Variants in DACH1 observed in about 807,000 individuals in gnomAD.
The protein encoded by DACH1 is dachshund homolog 1.
Under a neutral mutation model 54.2 loss-of-function variants are expected in DACH1, and 12 were observed. That is an observed-to-expected ratio of 0.22 (90% CI 0.14 to 0.36). The LOEUF (loss-of-function observed/expected upper bound fraction) is 0.36. Ranked by LOEUF, DACH1 falls within the 10% of genes least tolerant of loss-of-function variation. The pLI is 1.00. For missense variants in DACH1, 805 were observed against 929.8 expected (o/e 0.87, Z 1.75); for synonymous variants, 386 against 366.2 (o/e 1.05, Z -0.62).
At chr13:71,746,968 A>G (rs899367411) in intron 1 of DACH1, among the ~76,000 whole-genome samples, 1 of 152,208 alleles carries the variant, frequency 6.6e-6, no homozygotes, top group Non-Finnish European at 1.5e-5. Flanking sequence ...ATGTATTAAC[A>G]CAATATCTAA....
At chr13:71,563,688 T>C (rs752933018) in intron 4 of DACH1, among the ~76,000 whole-genome samples, 1 of 151,768 alleles carries the variant, frequency 6.6e-6, no homozygotes, top group South Asian at 2.1e-4. Context: ...GAAATCTTTA[T>C]GTAAAATGCA....
intron 1 of DACH1, among the ~76,000 whole-genome samples, chr13:71,841,464 G>A (rs1247590631): frequency 2.0e-5 from 3 of 152,084 alleles, no homozygotes; most frequent in Non-Finnish European, 4.4e-5. Flanking sequence ...AAATCCCAAA[G>A]TTTAAGTTCT....
intron 2 of DACH1, among the ~76,000 whole-genome samples, chr13:71,666,593 T>C (rs568452773): frequency 4.6e-5 from 7 of 152,290 alleles, no homozygotes; most frequent in Non-Finnish European, 8.8e-5. Context: ...GAACATGTAA[T>C]AATCAGTAAT....
intron 10 of DACH1, among the ~76,000 whole-genome samples, chr13:71,473,675 G>A (rs1393262188): frequency 7.9e-5 from 12 of 152,038 alleles, no homozygotes; most frequent in Non-Finnish European, 1.5e-4. Flanking sequence ...TATGCAGGAC[G>A]ATATTGTTTC....
rs563641577 is a variant in DACH1, at chr13:71,550,614, T to C, written c.1570+6410A>G. Among the ~76,000 whole-genome samples, 10 of 152,256 alleles carry C rather than the reference T, an allele frequency of 6.6e-5. No individual in the cohort carries two copies. The East Asian group carries it at 1.9e-3, about 29-fold the overall frequency. ...TTACAGTAAGTATTTTCCTCAATTG[T>C]CATTGAAATATTATTACAAGCTCTG... On this transcript the variant is annotated intron_variant, in intron 6 of 10. Transcript: ENST00000613252.
intron 3 of DACH1, among the ~76,000 whole-genome samples, chr13:71,607,012 G>A (rs564339196): frequency 6.7e-4 from 102 of 151,984 alleles, no homozygotes; most frequent in African/African-American, 2.4e-3. Context: ...TCATGTGATT[G>A]GGAACAAAGG....
intron 3 of DACH1, among the ~76,000 whole-genome samples, chr13:71,629,567 C>T (rs1323493349): frequency 6.6e-6 from 1 of 152,094 alleles, no homozygotes; most frequent in Non-Finnish European, 1.5e-5. Flanking sequence ...CTAAAATCCA[C>T]AGTATTCCTT....
intron 1 of DACH1, among the ~76,000 whole-genome samples, chr13:71,746,860 A>G (rs74844042): frequency 0.041 from 6,237 of 152,282 alleles, 413 homozygotes; most frequent in African/African-American, 0.14. Context: ...TTATTTTAAT[A>G]TATTTTAAGA....
At position 71,619,626 on chromosome 13, in the gene DACH1, AAAT is replaced by A. The variant is rs374939067; in HGVS notation, c.1126+10927_1126+10929del. On this transcript the variant is annotated intron_variant, in intron 3 of 10. Coordinates refer to ENST00000613252, the MANE Select transcript of DACH1 (RefSeq NM_080759.6). ...GATATATCTATATTTTCCCAAAATAAAATAATTAAGAAAACAGATTACAAAAAT... is the reference window on the plus strand; with the variant it reads ...GATATATCTATATTTTCCCAAAATAAAATTAAGAAAACAGATTACAAAAAT... Among the ~76,000 whole-genome samples the A allele has an allele frequency of 6.6e-4, 100 of 152,056 alleles. No homozygotes were observed. In the South Asian group the frequency reaches 0.02, roughly 31 times the overall value.
intron 2 of DACH1, among the ~76,000 whole-genome samples, chr13:71,647,010 T>C (rs992259043): frequency 1.3e-5 from 2 of 152,248 alleles, no homozygotes; most frequent in African/African-American, 4.8e-5. Flanking sequence ...TAGCATTATG[T>C]ATACCTGAGG....
At position 71,756,033 on chromosome 13, in the gene DACH1, A is replaced by AT. The variant is rs112143535; in HGVS notation, c.849-74124dup. Among the ~76,000 whole-genome samples, 1,234 of 149,528 alleles carry AT rather than the reference A, an allele frequency of 8.3e-3. 17 individuals carry two copies. Among genetic ancestry groups the AT allele is most frequent in the African/African-American group, 0.028 (1,145 of 40,792 alleles). On this transcript the variant is annotated intron_variant, in intron 1 of 10. Transcript: ENST00000613252. The stretch of plus-strand genomic sequence containing the variant: ...AAATGCGTAAACTAAAGACTTTTTT[A>AT]TTTTTTTTTTCTTTTAAGACGAAGT...
chr13:71,648,841 C>A (rs1402332861), intron 2 of DACH1, among the ~76,000 whole-genome samples: 10 of 152,116 alleles, frequency 6.6e-5, no homozygotes, highest in South Asian at 2.1e-4. Flanking sequence ...ACCATAGCCA[C>A]CCCTTTCCTG....
chr13:71,609,514 T>TA (rs34721176), intron 3 of DACH1, among the ~76,000 whole-genome samples: 1 of 151,368 alleles, frequency 6.6e-6, no homozygotes, highest in African/African-American at 2.5e-5. Context: ...CACAACTAGT[T>TA]AAAAAGTTAA....
chr13:71,839,379 G>T lies in DACH1; in HGVS notation c.848+26543C>A, dbSNP rs1003910872. 2.0e-5 allele frequency among the ~76,000 whole-genome samples: 3 copies of T among 152,234 alleles called. No individual in the cohort carries two copies. The East Asian group carries it at 5.8e-4, about 29-fold the overall frequency. On this transcript the variant is annotated intron_variant, in intron 1 of 10. Coordinates refer to ENST00000613252, the MANE Select transcript of DACH1 (RefSeq NM_080759.6). ...TCCCAGCACTTTGGGAGGCCAAGGC[G>T]GGTGGATAATGAGGTCAGGAGATCA...
intron 8 of DACH1, 106 bp downstream of exon 8, chr13:71,479,063 G>T: frequency 9.1e-7 from 1 of 1,100,960 alleles, no homozygotes; most frequent in Non-Finnish European, 1.2e-6. Context: ...TTTAGCTACC[G>T]TTAAATTAAC....
chr13:71,695,975 T>C (rs911406808), intron 1 of DACH1, among the ~76,000 whole-genome samples: 12 of 152,206 alleles, frequency 7.9e-5, no homozygotes, highest in African/African-American at 2.7e-4. Context: ...GTATGTGAAG[T>C]ACAGTGCTCA....
At chr13:71,523,800 A>C (rs1392291912) in intron 6 of DACH1, among the ~76,000 whole-genome samples, 1 of 152,114 alleles carries the variant, frequency 6.6e-6, no homozygotes, top group Non-Finnish European at 1.5e-5. Flanking sequence ...TAATTTCATA[A>C]ATTCTCGAAT....
At chr13:71,485,896 T>C (rs184858579) in intron 7 of DACH1, among the ~76,000 whole-genome samples, 17 of 151,942 alleles carry the variant, frequency 1.1e-4, no homozygotes, top group African/African-American at 4.1e-4. Flanking sequence ...TTAATTTCTA[T>C]AACACTTAAA....
chr13:71,727,817 C>A (rs775209539), intron 1 of DACH1, among the ~76,000 whole-genome samples: 1 of 152,052 alleles, frequency 6.6e-6, no homozygotes, highest in Non-Finnish European at 1.5e-5. Context: ...TATGCTACTG[C>A]ACTTTTTGCA....
Sources: allele counts gnomAD v4.1 joint callset (sites outside exome capture counted in the v4.1 genomes callset), GRCh38; gene constraint gnomAD v4.1.1; transcripts MANE v1.5; gene names NCBI Gene and HGNC (gene_info 2026-07-23, HGNC 2026-07-21).